Variants in KATNIP observed in about 807,000 individuals in gnomAD.
The protein encoded by KATNIP is katanin-interacting protein.
In KATNIP, 126 loss-of-function variants were observed where a neutral mutation model predicts 174.0. The ratio of observed to expected loss-of-function variants is 0.72; its 90% CI spans 0.63 to 0.84. KATNIP has a LOEUF of 0.84. KATNIP is among the 40% of genes least tolerant of loss of function. The pLI, the probability that KATNIP is intolerant of heterozygous loss-of-function variation, is 0.00. For synonymous variants in KATNIP, 810 were observed against 835.7 expected (o/e 0.97, Z 0.53); for missense variants, 1,958 against 2,109.7 (o/e 0.93, Z 1.41).
At chr16:27,579,922 C>A (rs556523625) in intron 2 of KATNIP, among the ~76,000 whole-genome samples, 1 of 151,624 alleles carries the variant, frequency 6.6e-6, no homozygotes, top group Non-Finnish European at 1.5e-5. Flanking sequence ...AGGCTAGAGG[C>A]TTCCTTCATT....
intron 8 of KATNIP, among the ~76,000 whole-genome samples, chr16:27,690,363 T>TAGATGATA (rs397837255): frequency 0.018 from 1,678 of 90,780 alleles, 13 homozygotes; most frequent in Middle Eastern, 0.032. Context: ...GATAGATAGA[T>TAGATGATA]GATAGATAGA....
chr16:27,728,561 G>T (rs2080539246), intron 14 of KATNIP, among the ~76,000 whole-genome samples: 1 of 152,190 alleles, frequency 6.6e-6, no homozygotes, highest in African/African-American at 2.4e-5. Flanking sequence ...CTCCTGAGTT[G>T]CTGGGACTAC....
chr16:27,672,940 G>A (rs1190881984), intron 6 of KATNIP, among the ~76,000 whole-genome samples: 2 of 152,158 alleles, frequency 1.3e-5, no homozygotes, highest in Non-Finnish European at 2.9e-5. Context: ...GACATCAGTT[G>A]GGACAATTTG....
chr16:27,575,223 G>A (rs1298512639), intron 2 of KATNIP, among the ~76,000 whole-genome samples: 1 of 152,216 alleles, frequency 6.6e-6, no homozygotes, highest in East Asian at 1.9e-4. Context: ...AAAAGGTGAT[G>A]TGCAGGCTAC....
intron 16 of KATNIP, among the ~76,000 whole-genome samples, chr16:27,751,026 C>T (rs1012287582): frequency 6.6e-6 from 1 of 152,076 alleles, no homozygotes; most frequent in Non-Finnish European, 1.5e-5. Context: ...CTGCACCCAG[C>T]CACAGACCCG....
chr16:27,618,649 C>A, intron 3 of KATNIP, 148 bp downstream of exon 3: 1 of 599,066 alleles, frequency 1.7e-6, no homozygotes, highest in Non-Finnish European at 3.0e-6. Context: ...TCTGCAACCC[C>A]AGCTCCTATT....
chr16:27,726,961 A>G (rs1370406255), intron 14 of KATNIP, among the ~76,000 whole-genome samples: 2 of 152,206 alleles, frequency 1.3e-5, no homozygotes, highest in East Asian at 3.9e-4. Flanking sequence ...GACAGGCAGA[A>G]TATAGTATGG....
chr16:27,677,990 T>C lies in KATNIP; in HGVS notation c.802T>C (p.Ser268Pro), dbSNP rs1437443171. 1.9e-6 allele frequency: 3 copies of C among 1,613,728 alleles called. No individual in the cohort carries two copies. The South Asian group carries it at 3.3e-5, about 18-fold the overall frequency. ...TLVVLEFNPASKSHKRERNLS... is the reference protein window; with the variant it reads ...TLVVLEFNPAPKSHKRERNLS... ...CGTGGTGCTGGAATTTAACCCAGCTTCCAAAAGTGAGCTCTGTCTTGTATA... is the reference window on the plus strand; with the variant it reads ...CGTGGTGCTGGAATTTAACCCAGCTCCCAAAAGTGAGCTCTGTCTTGTATA... Residue 268 changes from serine (S) to proline (P), a missense_variant, in exon 7 of 28, where the codon TCC (serine) becomes CCC (proline). Ser to Pro is a moderately conservative substitution (Grantham distance 74). Around this residue, in one of 3 missense-constraint regions of KATNIP, gnomAD observed 1,557 missense variants for 1,617.8 expected, o/e 0.96. Transcript: ENST00000261588.
intron 1 of KATNIP, among the ~76,000 whole-genome samples, chr16:27,566,811 A>T (rs1567442542): frequency 6.6e-6 from 1 of 152,196 alleles, no homozygotes; most frequent in Non-Finnish European, 1.5e-5. Context: ...AGAAGCTGAC[A>T]ATGGCAGGTG....
rs144489867 is a variant in KATNIP, at chr16:27,761,433, G to A, written c.3652G>A (p.Ala1218Thr). 4.0e-4 allele frequency: 651 copies of A among 1,608,822 alleles called. 2 individuals are homozygous for A. The African/African-American group carries it at 8.1e-3, about 20-fold the overall frequency. ...HGICLQLNFT[A>T]SWGDLHYLGL... ...TGCAGGCCTTCAGCTGAATTTCACT[G>A]CCTCCTGGGGAGACTTGCACTACCT... The change falls in exon 19 of 28, where the codon GCC (alanine) becomes ACC (threonine). Residue 1218 changes from alanine (A) to threonine (T), a missense_variant. By Grantham distance (58) the Ala-to-Thr change is moderately conservative. Coordinates refer to ENST00000261588, the MANE Select transcript of KATNIP (RefSeq NM_015202.5).
Position 27,550,166 on chromosome 16 carries a change from T to C in KATNIP, c.-5T>C. 2 of 1,612,440 alleles carry C rather than the reference T, an allele frequency of 1.2e-6. No homozygotes were observed. The highest frequency in any genetic ancestry group is 2.2e-5 in the East Asian group (1 of 44,834). ...TTCGAGCTCCCGGAACCGCCGCCTC[T>C]AGGGATGGACGGTGAGTGTCTGTGG... On this transcript the variant is annotated 5_prime_UTR_variant, in exon 1 of 28. Coordinates refer to ENST00000261588, the MANE Select transcript of KATNIP (RefSeq NM_015202.5).
intron 24 of KATNIP, 103 bp downstream of exon 24, chr16:27,775,187 A>T (rs2082453208): frequency 3.6e-6 from 5 of 1,402,080 alleles, no homozygotes; most frequent in Non-Finnish European, 4.8e-6. Flanking sequence ...GGTCAAGTTA[A>T]TCTCAAGCCA....
At chr16:27,773,366 G>A (rs768980061) in intron 23 of KATNIP, among the ~76,000 whole-genome samples, 157 bp downstream of exon 23, 3 of 152,136 alleles carry the variant, frequency 2.0e-5, no homozygotes, top group Non-Finnish European at 4.4e-5. Context: ...CCTTGGGGAC[G>A]GGCAGCAGAG....
intron 11 of KATNIP, among the ~76,000 whole-genome samples, chr16:27,703,279 G>A (rs1027843955): frequency 4.6e-5 from 7 of 152,104 alleles, no homozygotes; most frequent in Non-Finnish European, 8.8e-5. Context: ...CCTCGGCATC[G>A]AGATCCTTTG....
intron 14 of KATNIP, among the ~76,000 whole-genome samples, chr16:27,729,522 C>CT (rs1161711989): frequency 2.0e-5 from 3 of 152,278 alleles, no homozygotes; most frequent in African/African-American, 7.2e-5. Context: ...ACCCTAAGTC[C>CT]TTTTTCTTTT....
intron 19 of KATNIP, among the ~76,000 whole-genome samples, chr16:27,763,723 G>A (rs1222231988): frequency 2.0e-5 from 3 of 151,872 alleles, no homozygotes; most frequent in Non-Finnish European, 4.4e-5. Context: ...CTTTTTAACA[G>A]TTTGCTCATT....
Position 27,592,496 on chromosome 16 carries a change from T to TAGTC in KATNIP, c.63+18541_63+18544dup, listed in dbSNP as rs1331613321. 8.5e-5 allele frequency among the ~76,000 whole-genome samples: 13 copies of TAGTC among 152,088 alleles called. 1 individual carries two copies. Among genetic ancestry groups the TAGTC allele is most frequent in the Middle Eastern group, 6.8e-3 (2 of 294 alleles). ...AGCTGGATGTGGTGGTACGCACCTG[T>TAGTC]AGTCCCAGCTACTCAGGAAGCTGAG... On this transcript the variant is annotated intron_variant, in intron 2 of 27. Coordinates refer to ENST00000261588, the MANE Select transcript of KATNIP (RefSeq NM_015202.5).
intron 15 of KATNIP, among the ~76,000 whole-genome samples, chr16:27,744,005 C>T (rs2081196823): frequency 6.6e-6 from 1 of 152,206 alleles, no homozygotes; most frequent in Non-Finnish European, 1.5e-5. Context: ...CATTTCAGTG[C>T]TTGGCTCAAT....
intron 13 of KATNIP, among the ~76,000 whole-genome samples, chr16:27,712,219 G>A (rs1315968999): frequency 6.6e-6 from 1 of 152,214 alleles, no homozygotes; most frequent in Non-Finnish European, 1.5e-5. Context: ...ACATGAGGCA[G>A]CTGTGTCACC....
Sources: gnomAD v4.1 joint callset for allele counts (sites outside exome capture counted in the v4.1 genomes callset) on GRCh38, gnomAD v4.1.1 for gene constraint, gnomAD v4.1.1 regional missense constraint, MANE v1.5 for transcripts, NCBI Gene and HGNC (gene_info 2026-07-23, HGNC 2026-07-21) for gene names.